Variants in RYR3 observed in about 807,000 individuals in gnomAD.
RYR3 encodes the protein ryanodine receptor 3, also known as brain ryanodine receptor-calcium release channel.
A neutral mutation model predicts 584.3 loss-of-function variants in RYR3; 207 were observed. The observed-to-expected ratio is 0.35, with a 90% CI of 0.32 to 0.40. The LOEUF (loss-of-function observed/expected upper bound fraction) is 0.40. Ranked by LOEUF, RYR3 falls within the 10% of genes least tolerant of loss-of-function variation. RYR3 has a pLI of 1.00. For missense variants in RYR3, 5,616 were observed against 6,089.2 expected (o/e 0.92, Z 2.59); for synonymous variants, 2,416 against 2,248.5 (o/e 1.07, Z -2.11).
intron 27 of RYR3, among the ~76,000 whole-genome samples, chr15:33,641,595 G>A (rs2061827890): frequency 6.6e-6 from 1 of 152,174 alleles, no homozygotes; most frequent in Non-Finnish European, 1.5e-5. Flanking sequence ...TTCTCCAAGA[G>A]AAAGCGCTGG....
In RYR3 at chr15:33,821,014, T is replaced by C. The variant is rs138070075; in HGVS notation, c.10815+202T>C. Reference sequence around the variant, plus strand: ...AATGTTGCGTTGCTTCCCACAATTATGGTATCCAAAAGGAATGGACTGTGT... The same window carrying C: ...AATGTTGCGTTGCTTCCCACAATTACGGTATCCAAAAGGAATGGACTGTGT... On this transcript the variant is annotated intron_variant, in intron 78 of 103. Coordinates refer to ENST00000634891, the MANE Select transcript of RYR3 (RefSeq NM_001036.6). Among the ~76,000 whole-genome samples, 70 of 105,478 alleles carry C rather than the reference T, an allele frequency of 6.6e-4. No homozygotes were observed. In the East Asian group the frequency reaches 9.7e-3, roughly 15 times the overall value. 69.2% of individuals were successfully genotyped at this position (105,478 alleles called of 152,430 possible). A position where few individuals can be genotyped will look rare whatever the true frequency, so the allele number is the denominator to read the frequency against.
intron 67 of RYR3, among the ~76,000 whole-genome samples, chr15:33,794,714 C>T (rs1490667512): frequency 1.3e-5 from 2 of 152,104 alleles, no homozygotes; most frequent in African/African-American, 2.4e-5. Flanking sequence ...CAGAGCATTA[C>T]GGTCATATGA....
At chr15:33,799,123 T>A (rs1022507552) in intron 67 of RYR3, among the ~76,000 whole-genome samples, 6 of 152,346 alleles carry the variant, frequency 3.9e-5, no homozygotes, top group African/African-American at 1.4e-4. Context: ...AATATGTATT[T>A]GCTCTTCATC....
At chr15:33,811,094 T>C in intron 72 of RYR3, 57 bp downstream of exon 72, 3 of 1,424,776 alleles carry the variant, frequency 2.1e-6, no homozygotes, top group Non-Finnish European at 2.9e-6. Context: ...GGCTGCAGGG[T>C]TCCAGCTTTT....
intron 98 of RYR3, chr15:33,856,730 C>G (rs2079707953): frequency 6.5e-6 from 1 of 152,782 alleles, no homozygotes; most frequent in Non-Finnish European, 1.5e-5. Context: ...GCGATCTCAG[C>G]TTACTGCAAC....
At position 33,336,440 on chromosome 15, in the gene RYR3, AAGAGAGAGAGAGAGAGAGAG is replaced by A. The variant is rs1204873404; in HGVS notation, c.51+25372_51+25391del. Among the ~76,000 whole-genome samples the A allele has an allele frequency of 5.8e-4, 7 of 12,150 alleles. 2 individuals carry two copies. The highest frequency in any genetic ancestry group is 3.7e-4 in the Non-Finnish European group (3 of 8,192). 8.0% of individuals were successfully genotyped at this position (12,150 alleles called of 152,430 possible). A position where few individuals can be genotyped will look rare whatever the true frequency, so the allele number is the denominator to read the frequency against. On this transcript the variant is annotated intron_variant, in intron 1 of 103. Coordinates refer to ENST00000634891, the MANE Select transcript of RYR3 (RefSeq NM_001036.6). ...GACGAAAGAAAGAAAGAAAGAAAGAAAGAGAGAGAGAGAGAGAGAGAGAGAGAGAGAGAGAGAGAGAGAGA... is the reference window on the plus strand; with the variant it reads ...GACGAAAGAAAGAAAGAAAGAAAGAAAGAGAGAGAGAGAGAGAGAGAGAGA...
chr15:33,855,055 G>C (rs555763446), intron 98 of RYR3, 143 bp downstream of exon 98: 2 of 865,184 alleles, frequency 2.3e-6, no homozygotes, highest in East Asian at 6.5e-5. Context: ...TCAACTAATG[G>C]TGATTGTTTT....
intron 1 of RYR3, among the ~76,000 whole-genome samples, chr15:33,429,919 G>GA (rs34966649): frequency 1.3e-5 from 2 of 152,180 alleles, no homozygotes; most frequent in Non-Finnish European, 2.9e-5. Context: ...GCAGCAGGGG[G>GA]AAAAAAGACT....
chr15:33,718,012 A>C (rs1253922863), intron 43 of RYR3, among the ~76,000 whole-genome samples: 1 of 152,218 alleles, frequency 6.6e-6, no homozygotes, highest in Non-Finnish European at 1.5e-5. Context: ...CACTTAGTTC[A>C]TACAAGTTGC....
Position 33,340,245 on chromosome 15 carries a change from C to A in RYR3, c.51+29149C>A, listed in dbSNP as rs113873558. Among the ~76,000 whole-genome samples the A allele has an allele frequency of 8.6e-3, 1,313 of 152,290 alleles. 26 individuals are homozygous for A. The highest frequency in any genetic ancestry group is 0.029 in the African/African-American group (1,224 of 41,578). On this transcript the variant is annotated intron_variant, in intron 1 of 103. Coordinates refer to ENST00000634891, the MANE Select transcript of RYR3 (RefSeq NM_001036.6). The stretch of plus-strand genomic sequence containing the variant: ...ACACATTGCAGGTTAGGAGAACTTA[C>A]CTTTTGAGCAGTGCCAGACCTGTGC...
intron 10 of RYR3, among the ~76,000 whole-genome samples, chr15:33,555,759 G>C (rs1030337904): frequency 6.6e-6 from 1 of 152,138 alleles, no homozygotes; most frequent in Non-Finnish European, 1.5e-5. Context: ...TGAGAAATAC[G>C]GAGAAAAGAG....
chr15:33,618,422 G>T (rs937665697), intron 19 of RYR3, among the ~76,000 whole-genome samples: 2 of 152,064 alleles, frequency 1.3e-5, no homozygotes, highest in Non-Finnish European at 2.9e-5. Flanking sequence ...AATTATTGCT[G>T]AGATAAATAT....
At chr15:33,723,998 C>T (rs1596316333) in intron 44 of RYR3, 67 bp from the exon 45 acceptor site, 1 of 815,680 alleles carries the variant, frequency 1.2e-6, no homozygotes, top group East Asian at 2.5e-5. Flanking sequence ...TATCAAGCAG[C>T]TTATGTCTCG....
intron 10 of RYR3, among the ~76,000 whole-genome samples, chr15:33,560,451 A>AT (rs3838862): frequency 0.19 from 28,478 of 150,790 alleles, 4,617 homozygotes; most frequent in African/African-American, 0.45. Context: ...AGATCTTTGT[A>AT]TTTTTTTTTT....
At chr15:33,566,017 T>C (rs528755195) in intron 11 of RYR3, among the ~76,000 whole-genome samples, 8 of 152,330 alleles carry the variant, frequency 5.3e-5, no homozygotes, top group South Asian at 4.1e-4. Context: ...TAAGTCTATT[T>C]GCAGATGGTG....
intron 9 of RYR3, among the ~76,000 whole-genome samples, chr15:33,548,739 A>G (rs2056442513): frequency 6.6e-6 from 1 of 152,236 alleles, no homozygotes; most frequent in African/African-American, 2.4e-5. Flanking sequence ...TTCCAGCCAC[A>G]AGCTTTGAAT....
intron 42 of RYR3, among the ~76,000 whole-genome samples, chr15:33,704,400 A>G (rs2066535402): frequency 6.6e-6 from 1 of 152,200 alleles, no homozygotes; most frequent in Non-Finnish European, 1.5e-5. Context: ...TGACCAGACC[A>G]GAGGGAAATG....
At chr15:33,518,045 A>C (rs2053666393) in intron 3 of RYR3, among the ~76,000 whole-genome samples, 1 of 152,192 alleles carries the variant, frequency 6.6e-6, no homozygotes, top group Non-Finnish European at 1.5e-5. Context: ...ACAGCTGTGG[A>C]TGCATATTGA....
At position 33,821,451 on chromosome 15, in the gene RYR3, C is replaced by T. The variant is rs1200939212; in HGVS notation, c.10916-72C>T. On this transcript the variant is annotated intron_variant, in intron 79 of 103. Transcript: ENST00000634891. ...TGACATACAGCCATTATTAAAGAGC[C>T]CTGCTAAGGCCCAGGAGGCATGATT... The T allele has an allele frequency of 6.3e-6, 10 of 1,593,684 alleles. No homozygotes were observed. The East Asian group carries it at 2.2e-4, about 36-fold the overall frequency.
Sources: gnomAD v4.1 joint callset for allele counts (sites outside exome capture counted in the v4.1 genomes callset) on GRCh38, gnomAD v4.1.1 for gene constraint, MANE v1.5 for transcripts, NCBI Gene and HGNC (gene_info 2026-07-23, HGNC 2026-07-21) for gene names.